RGS7: variants seen among roughly 807,000 people sequenced by gnomAD.
The protein encoded by RGS7 is regulator of G protein signaling 7, also known as regulator of G-protein signaling 7.
A neutral mutation model predicts 81.1 loss-of-function variants in RGS7; 27 were observed. That is an observed-to-expected ratio of 0.33 (90% CI 0.25 to 0.46). The LOEUF is 0.46. Ranked by LOEUF, RGS7 falls within the 20% of genes least tolerant of loss-of-function variation. The pLI is 1.00. For synonymous variants in RGS7, 208 were observed against 207.7 expected (o/e 1.00, Z -0.01); for missense variants, 396 against 607.4 (o/e 0.65, Z 3.66).
At chr1:241,305,343 G>A (rs2080024759) in intron 2 of RGS7, among the ~76,000 whole-genome samples, 1 of 152,074 alleles carries the variant, frequency 6.6e-6, no homozygotes, top group Non-Finnish European at 1.5e-5. Context: ...AATGTCGTCG[G>A]TCACCCATGC....
intron 3 of RGS7, among the ~76,000 whole-genome samples, chr1:241,076,978 C>G (rs1369146947): frequency 6.6e-6 from 1 of 152,180 alleles, no homozygotes; most frequent in Non-Finnish European, 1.5e-5. Context: ...AGATGACAAG[C>G]TAGAGACAAA....
At chr1:241,138,377 G>T (rs890330789) in intron 2 of RGS7, among the ~76,000 whole-genome samples, 7 of 152,056 alleles carry the variant, frequency 4.6e-5, no homozygotes, top group African/African-American at 1.7e-4. Context: ...GAGAGGAGAG[G>T]AATATCTTCA....
intron 3 of RGS7, among the ~76,000 whole-genome samples, chr1:241,091,271 G>A (rs1031163893): frequency 4.6e-5 from 7 of 152,262 alleles, no homozygotes; most frequent in Middle Eastern, 3.4e-3. Flanking sequence ...AAAGCTGGCC[G>A]GGCACTGTGG....
intron 2 of RGS7, among the ~76,000 whole-genome samples, chr1:241,191,010 T>A (rs2072607439): frequency 6.6e-6 from 1 of 150,964 alleles, no homozygotes; most frequent in East Asian, 1.9e-4. Flanking sequence ...TGCGACGGAG[T>A]CTTGCTCTGT....
At chr1:240,988,183 T>A (rs889173181) in intron 3 of RGS7, among the ~76,000 whole-genome samples, 1 of 150,788 alleles carries the variant, frequency 6.6e-6, no homozygotes, top group Non-Finnish European at 1.5e-5. Context: ...ATCTACTCTA[T>A]ACAGAAAAGA....
intron 3 of RGS7, among the ~76,000 whole-genome samples, chr1:241,016,666 G>C (rs532514907): frequency 2.6e-5 from 4 of 152,162 alleles, no homozygotes; most frequent in Admixed American, 2.0e-4. Context: ...CCTGGGACTA[G>C]AGTACTAATG....
chr1:241,070,789 CCGT>C (rs10559839), intron 3 of RGS7, among the ~76,000 whole-genome samples: 148,173 of 152,170 alleles, frequency 0.97, 72,254 homozygotes, highest in East Asian at 1. Flanking sequence ...GGGTAGCCAG[CCGT>C]CGTCAAGTGC....
At chr1:241,169,670 T>C (rs556662926) in intron 2 of RGS7, among the ~76,000 whole-genome samples, 1 of 152,238 alleles carries the variant, frequency 6.6e-6, no homozygotes, top group African/African-American at 2.4e-5. Context: ...TAGGCTATAA[T>C]TGAAAACAGA....
chr1:240,922,459 T>G (rs1394144112), intron 6 of RGS7, among the ~76,000 whole-genome samples: 1 of 152,070 alleles, frequency 6.6e-6, no homozygotes, highest in Non-Finnish European at 1.5e-5. Flanking sequence ...GGAAAATCTT[T>G]GCAAAACGTA....
intron 2 of RGS7, among the ~76,000 whole-genome samples, chr1:241,111,977 C>A (rs1390521985): frequency 6.6e-6 from 1 of 152,120 alleles, no homozygotes; most frequent in Admixed American, 6.5e-5. Context: ...TCTTTCAAGG[C>A]TGGTACAGGA....
chr1:240,941,342 G>GATCTCCAGAAAATAT (rs1299315879), intron 4 of RGS7, among the ~76,000 whole-genome samples: 1 of 152,112 alleles, frequency 6.6e-6, no homozygotes, highest in African/African-American at 2.4e-5. Flanking sequence ...TTCATTACAG[G>GATCTCCAGAAAATAT]ATCTCCAGAA....
chr1:240,844,988 T>C (rs1227574867), intron 9 of RGS7, among the ~76,000 whole-genome samples: 1 of 152,126 alleles, frequency 6.6e-6, no homozygotes, highest in Non-Finnish European at 1.5e-5. Context: ...ATGCCAAAGA[T>C]TAAAATAGGT....
chr1:241,200,324 A>C (rs2073404666), intron 2 of RGS7, among the ~76,000 whole-genome samples: 1 of 152,124 alleles, frequency 6.6e-6, no homozygotes, highest in South Asian at 2.1e-4. Flanking sequence ...AATTGCTGCA[A>C]ACCGGCAGAA....
chr1:241,343,234 C>T (rs2082679518), intron 2 of RGS7, among the ~76,000 whole-genome samples: 1 of 150,080 alleles, frequency 6.7e-6, no homozygotes, highest in Admixed American at 6.6e-5. Context: ...TGCACTCCAG[C>T]CTGGGCGACA....
At chr1:241,072,450 G>A (rs558238191) in intron 3 of RGS7, among the ~76,000 whole-genome samples, 1 of 152,240 alleles carries the variant, frequency 6.6e-6, no homozygotes, top group South Asian at 2.1e-4. Flanking sequence ...AGGTTGTCAT[G>A]AGGCTCTTTC....
chr1:240,789,375 A>G (rs2103002377), intron 18 of RGS7, among the ~76,000 whole-genome samples: 1 of 152,342 alleles, frequency 6.6e-6, no homozygotes, highest in African/African-American at 2.4e-5. Context: ...CACCTTGAGA[A>G]AAGAACAGGA....
chr1:241,211,215 G>C (rs2074223135), intron 2 of RGS7, among the ~76,000 whole-genome samples: 1 of 152,148 alleles, frequency 6.6e-6, no homozygotes, highest in Admixed American at 6.6e-5. Context: ...AACCCGGGAG[G>C]GGGAGGTTGC....
rs34470327 is a variant in RGS7 at position 241,199,292 on chromosome 1, TA to T, written c.79-100531del. Among the ~76,000 whole-genome samples the T allele has an allele frequency of 4.6e-3, 699 of 151,696 alleles. 4 individuals carry two copies. The highest frequency in any genetic ancestry group is 7.4e-3 in the Non-Finnish European group (505 of 67,822). On this transcript the variant is annotated intron_variant, in intron 2 of 18. Coordinates refer to ENST00000440928, the MANE Select transcript of RGS7 (RefSeq NM_001364886.1). ...CAACATGGTGAAACCTCATCTGTAC[TA>T]AAAAAAATACAAAAATTAGCTGGGT...
chr1:241,294,206 C>G (rs1225417328), intron 2 of RGS7, among the ~76,000 whole-genome samples: 1 of 152,000 alleles, frequency 6.6e-6, no homozygotes, highest in Non-Finnish European at 1.5e-5. Context: ...AACCAAACAC[C>G]ACATGTTCTC....
Sources: allele counts gnomAD v4.1 joint callset (sites outside exome capture counted in the v4.1 genomes callset), GRCh38; gene constraint gnomAD v4.1.1; transcripts MANE v1.5; gene names NCBI Gene and HGNC (gene_info 2026-07-23, HGNC 2026-07-21).